Variants in ANXA2 observed in about 807,000 individuals in gnomAD.
ANXA2 encodes annexin II.
Under a neutral mutation model 47.3 loss-of-function variants are expected in ANXA2, and 28 were observed. The observed-to-expected ratio is 0.59, with a 90% CI of 0.44 to 0.81. ANXA2 has a LOEUF of 0.81. Among genes scored for constraint, ANXA2 ranks in the 40% least tolerant of loss-of-function variants. The probability of loss-of-function intolerance (pLI) is 0.00; values close to 1 mark genes in which losing one functional copy is unlikely to be tolerated. For synonymous variants in ANXA2, 172 were observed against 155.5 expected (o/e 1.11, Z -0.79); for missense variants, 384 against 414.3 (o/e 0.93, Z 0.64).
Position 60,347,597 on chromosome 15 carries a change from C to T in ANXA2, c.*33G>A. ...ACCTGTTAGCTGGAAGCATGGTGAGCACCATTTCTGGACGCTCAGGCCGTG... is the reference window on the plus strand; with the variant it reads ...ACCTGTTAGCTGGAAGCATGGTGAGTACCATTTCTGGACGCTCAGGCCGTG... On this transcript the variant is annotated 3_prime_UTR_variant, in exon 13 of 13. Transcript: ENST00000451270. 6.2e-7 allele frequency: 1 copy of T among 1,611,418 alleles called. No homozygotes were observed. Among genetic ancestry groups the T allele is most frequent in the Non-Finnish European group, 8.5e-7 (1 of 1,177,582 alleles).
intron 8 of ANXA2, 73 bp downstream of exon 8, chr15:60,354,081 G>T: frequency 8.1e-7 from 1 of 1,230,248 alleles, no homozygotes. Flanking sequence ...GTCACACAGA[G>T]TTAAATTACT....
chr15:60,393,077 C>G lies in ANXA2; in HGVS notation c.-12+4866G>C, dbSNP rs760036690. Reference sequence around the variant, plus strand: ...ATATTCTTCTCCTTGGTTTTATGGTCTTGATTAATGACTGAGTCACAGGGC... The same window carrying G: ...ATATTCTTCTCCTTGGTTTTATGGTGTTGATTAATGACTGAGTCACAGGGC... On this transcript the variant is annotated intron_variant, in intron 1 of 12. Transcript: ENST00000451270. 2.8e-5 allele frequency: 36 copies of G among 1,287,266 alleles called. 1 individual carries two copies. The South Asian group carries it at 2.9e-4, about 10-fold the overall frequency. 79.7% of individuals were successfully genotyped at this position (1,287,266 alleles called of 1,614,324 possible).
rs150128007 is a variant in ANXA2 at position 60,347,404 on chromosome 15, T to C, written c.*226A>G. 1.2e-3 allele frequency: 738 copies of C among 592,552 alleles called. 1 individual carries two copies. Among genetic ancestry groups the C allele is most frequent in the African/African-American group, 0.012 (633 of 53,816 alleles). 36.7% of individuals were successfully genotyped at this position (592,552 alleles called of 1,614,324 possible). On this transcript the variant is annotated 3_prime_UTR_variant, in exon 13 of 13. Coordinates refer to ENST00000451270, the MANE Select transcript of ANXA2 (RefSeq NM_004039.3). ...ACAGGAGGCAAAGTGTTTCACATCA[T>C]AGACTTCACTTCCAACTCCTTGGAA...
intron 7 of ANXA2, among the ~76,000 whole-genome samples, chr15:60,355,010 G>A (rs1265029125): frequency 6.6e-6 from 1 of 152,174 alleles, no homozygotes; most frequent in Non-Finnish European, 1.5e-5. Flanking sequence ...GTCAGATGCA[G>A]CTAGCCAAGC....
At chr15:60,365,539 G>A (rs1038138457) in intron 3 of ANXA2, among the ~76,000 whole-genome samples, 12 of 152,146 alleles carry the variant, frequency 7.9e-5, no homozygotes, top group African/African-American at 2.9e-4. Context: ...TTGGCCTGAA[G>A]AAAATCAGAG....
At chr15:60,351,414 A>G in intron 10 of ANXA2, 163 bp from the exon 11 acceptor site, 1 of 713,676 alleles carries the variant, frequency 1.4e-6, no homozygotes, top group Admixed American at 2.6e-5. Flanking sequence ...AATCCTCTGC[A>G]ATACTAAGTT....
chr15:60,397,138 G>C (rs762239488), intron 1 of ANXA2: 5 of 357,828 alleles, frequency 1.4e-5, no homozygotes, highest in African/African-American at 1.1e-4. Context: ...GCTGCACAGA[G>C]CGGCCAGAAG....
chr15:60,391,428 CCCAGGGTGG>C (rs2063008930), intron 1 of ANXA2: 1 of 152,146 alleles, frequency 6.6e-6, no homozygotes, highest in African/African-American at 2.4e-5. Context: ...GGAATAATGC[CCCAGGGTGG>C]CAGAAGAACA....
intron 7 of ANXA2, 53 bp from the exon 8 acceptor site, chr15:60,354,266 CT>C: frequency 1.4e-6 from 2 of 1,445,258 alleles, no homozygotes; most frequent in South Asian, 2.4e-5. Context: ...TATTTTAAAA[CT>C]GAAAATGTTT....
intron 1 of ANXA2, among the ~76,000 whole-genome samples, chr15:60,388,685 T>C (rs2062966179): frequency 6.6e-6 from 1 of 151,142 alleles, no homozygotes; most frequent in African/African-American, 2.4e-5. Flanking sequence ...TCCCTCCGCC[T>C]TAGCCTACCA....
At chr15:60,354,119 A>T in intron 8 of ANXA2, 35 bp downstream of exon 8, 1 of 1,598,568 alleles carries the variant, frequency 6.3e-7, no homozygotes, top group Non-Finnish European at 8.6e-7. Flanking sequence ...ACTTACCAGA[A>T]AACAAAAACT....
chr15:60,351,878 T>C (rs1419921792), intron 9 of ANXA2, 59 bp from the exon 10 acceptor site: 1 of 1,145,158 alleles, frequency 8.7e-7, no homozygotes, highest in African/African-American at 1.5e-5. Context: ...CTGTCAACGA[T>C]CACCCACCTA....
intron 1 of ANXA2, among the ~76,000 whole-genome samples, chr15:60,387,783 A>T (rs2062953134): frequency 6.6e-6 from 1 of 152,178 alleles, no homozygotes; most frequent in African/African-American, 2.4e-5. Flanking sequence ...CAAATGTACC[A>T]CCCTGATACG....
chr15:60,384,950 T>G (rs1180401593), intron 2 of ANXA2: 2 of 152,254 alleles, frequency 1.3e-5, no homozygotes, highest in Non-Finnish European at 2.9e-5. Flanking sequence ...TCTGCCAGGA[T>G]GACCTGGAAG....
chr15:60,379,602 C>T (rs1047486434), intron 3 of ANXA2, among the ~76,000 whole-genome samples: 1 of 152,200 alleles, frequency 6.6e-6, no homozygotes, highest in Non-Finnish European at 1.5e-5. Flanking sequence ...CAAAAGACCT[C>T]AGGCATACTA....
chr15:60,361,959 T>A (rs2062521333), intron 4 of ANXA2, among the ~76,000 whole-genome samples: 1 of 151,872 alleles, frequency 6.6e-6, no homozygotes, highest in South Asian at 2.1e-4. Context: ...TAAGAGCACC[T>A]GTGGCATCTA....
At chr15:60,348,895 C>A (rs1189181064) in intron 12 of ANXA2, among the ~76,000 whole-genome samples, 180 bp downstream of exon 12, 1 of 152,126 alleles carries the variant, frequency 6.6e-6, no homozygotes, top group African/African-American at 2.4e-5. Context: ...TGTACAAAGT[C>A]CAGGACAAAT....
chr15:60,390,235 T>A, intron 1 of ANXA2: 1 of 1,008,974 alleles, frequency 9.9e-7, no homozygotes, highest in Non-Finnish European at 1.2e-6. Flanking sequence ...TCTATGAAAT[T>A]TGACATTATC....
At chr15:60,374,734 A>G in intron 3 of ANXA2, 1 of 455,854 alleles carries the variant, frequency 2.2e-6, no homozygotes, top group Non-Finnish European at 4.4e-6. Context: ...GTGCTGGCAG[A>G]GTCACAGGGT....
Sources: gnomAD v4.1 joint callset for allele counts (sites outside exome capture counted in the v4.1 genomes callset) on GRCh38, gnomAD v4.1.1 for gene constraint, MANE v1.5 for transcripts, NCBI Gene and HGNC (gene_info 2026-07-23, HGNC 2026-07-21) for gene names.